Variants in ACTR10 observed in about 807,000 individuals in gnomAD.
ACTR10 encodes the protein actin related protein 10, also known as actin-related protein 10.
A neutral mutation model predicts 56.2 loss-of-function variants in ACTR10; 43 were observed. The ratio of observed to expected loss-of-function variants is 0.77; its 90% CI spans 0.60 to 0.99. The LOEUF is 0.99. Among genes scored for constraint, ACTR10 ranks in the 50% least tolerant of loss-of-function variants. The probability of loss-of-function intolerance (pLI) is 0.00; values close to 1 mark genes in which losing one functional copy is unlikely to be tolerated. For missense variants in ACTR10, 466 were observed against 507.8 expected (o/e 0.92, Z 0.79); for synonymous variants, 170 against 176.3 (o/e 0.96, Z 0.28).
At chr14:58,223,314 T>C (rs1291293622) in intron 8 of ACTR10, among the ~76,000 whole-genome samples, 1 of 152,160 alleles carries the variant, frequency 6.6e-6, no homozygotes, top group African/African-American at 2.4e-5. Context: ...TTTTTTGTAT[T>C]TTTAGTAGAG....
At chr14:58,229,027 A>C (rs566726741) in intron 10 of ACTR10, among the ~76,000 whole-genome samples, 2 of 152,292 alleles carry the variant, frequency 1.3e-5, no homozygotes, top group Admixed American at 6.5e-5. Flanking sequence ...AACATCTTAT[A>C]TAACTATAAT....
At chr14:58,213,556 T>C (rs1453960172) in intron 5 of ACTR10, 75 bp from the exon 6 acceptor site, 7 of 968,440 alleles carry the variant, frequency 7.2e-6, no homozygotes, top group Non-Finnish European at 1.1e-5. Flanking sequence ...AGAACAGTAC[T>C]GCAGAAGGTG....
intron 7 of ACTR10, among the ~76,000 whole-genome samples, chr14:58,215,810 C>A (rs1213693822): frequency 6.6e-6 from 1 of 151,960 alleles, no homozygotes; most frequent in Non-Finnish European, 1.5e-5. Context: ...TCTCTAGGCA[C>A]CTCAAACTTA....
Position 58,223,229 on chromosome 14 carries a change from C to T in ACTR10, c.635-393C>T, listed in dbSNP as rs539533465. Among the ~76,000 whole-genome samples the T allele has an allele frequency of 7.1e-3, 1,080 of 152,112 alleles. 4 individuals are homozygous for T. Among genetic ancestry groups the T allele is most frequent in the Non-Finnish European group, 0.012 (792 of 67,972 alleles). Reference sequence around the variant, plus strand: ...TCGGCTCACTGCAACCTCCACCTCCCGGGTTCAAGCAATTCTCCTGCCTCC... The same window carrying T: ...TCGGCTCACTGCAACCTCCACCTCCTGGGTTCAAGCAATTCTCCTGCCTCC... On this transcript the variant is annotated intron_variant, in intron 8 of 12. Coordinates refer to ENST00000254286, the MANE Select transcript of ACTR10 (RefSeq NM_018477.3).
At chr14:58,217,332 A>G (rs987526733) in intron 7 of ACTR10, among the ~76,000 whole-genome samples, 2 of 152,188 alleles carry the variant, frequency 1.3e-5, no homozygotes, top group African/African-American at 4.8e-5. Flanking sequence ...GTGGAATCAA[A>G]TCATACAAAT....
rs1207018682 is a variant in ACTR10, at chr14:58,215,299, A to G, written c.598+15A>G. The G allele has an allele frequency of 6.3e-7, 1 of 1,578,936 alleles. No homozygotes were observed. Among genetic ancestry groups the G allele is most frequent in the Non-Finnish European group, 8.7e-7 (1 of 1,151,844 alleles). On this transcript the variant is annotated intron_variant, in intron 7 of 12. Coordinates refer to ENST00000254286, the MANE Select transcript of ACTR10 (RefSeq NM_018477.3). ...CTCAGTGATGGGTAAATTCATTTTA[A>G]GTGGTTTAGGAGTGGTTTACACTCT... is the stretch of plus-strand genomic sequence containing the variant.
intron 2 of ACTR10, among the ~76,000 whole-genome samples, chr14:58,203,991 T>G (rs1398436827): frequency 6.6e-6 from 1 of 152,112 alleles, no homozygotes; most frequent in African/African-American, 2.4e-5. Context: ...AACTTTGTAA[T>G]CAGAGGACTA....
At chr14:58,200,340 G>C in intron 1 of ACTR10, 46 bp downstream of exon 1, 3 of 1,444,302 alleles carry the variant, frequency 2.1e-6, no homozygotes, top group South Asian at 2.9e-5. Flanking sequence ...GGGGAGGGCG[G>C]GTGGCAGAGC....
intron 10 of ACTR10, among the ~76,000 whole-genome samples, chr14:58,227,740 C>G (rs1169668540): frequency 6.6e-6 from 1 of 152,120 alleles, no homozygotes; most frequent in Non-Finnish European, 1.5e-5. Flanking sequence ...TAGATTGAGT[C>G]TCATGAAGAG....
chr14:58,200,599 G>T (rs914641694), intron 1 of ACTR10, among the ~76,000 whole-genome samples: 2 of 152,180 alleles, frequency 1.3e-5, no homozygotes, highest in Non-Finnish European at 2.9e-5. Context: ...GATGACAACC[G>T]TGACCTAGAC....
At chr14:58,214,966 C>T (rs558528502) in intron 6 of ACTR10, among the ~76,000 whole-genome samples, 1 of 151,548 alleles carries the variant, frequency 6.6e-6, no homozygotes, top group South Asian at 2.1e-4. Flanking sequence ...CTTAGCCGGG[C>T]ATGGTGGCGG....
intron 10 of ACTR10, among the ~76,000 whole-genome samples, chr14:58,224,085 T>C (rs1889344600): frequency 6.6e-6 from 1 of 151,986 alleles, no homozygotes; most frequent in African/African-American, 2.4e-5. Context: ...ACTGTAACCT[T>C]CATCTCCTAG....
Position 58,211,889 on chromosome 14 carries a change from G to A in ACTR10, c.450+490G>A, listed in dbSNP as rs562355884. On this transcript the variant is annotated intron_variant, in intron 5 of 12. Coordinates refer to ENST00000254286, the MANE Select transcript of ACTR10 (RefSeq NM_018477.3). Reference sequence around the variant, plus strand: ...CGGGAGGCGGAGCTTGCAGTGAGCCGAGATCATGCCACTGCACTCCAGCCT... The same window carrying A: ...CGGGAGGCGGAGCTTGCAGTGAGCCAAGATCATGCCACTGCACTCCAGCCT... Among the ~76,000 whole-genome samples, 4 of 150,964 alleles carry A rather than the reference G, an allele frequency of 2.6e-5. No homozygotes were observed. The South Asian group carries it at 6.3e-4, about 24-fold the overall frequency.
At position 58,202,925 on chromosome 14, in the gene ACTR10, A is replaced by C; in HGVS notation, c.148A>C (p.Lys50Gln). ...TGTGATAAAAAGAGCTGGGATGCCT[A>C]AGGTATTTAAAAAAAAATATTAGCA... ...PSVIKRAGMP[K>Q]PVRVVQYNIN... Residue 50 changes from lysine (K) to glutamine (Q), a missense_variant and splice_region_variant, in exon 2 of 13, where the codon AAG becomes CAG. By Grantham distance (53) the Lys-to-Gln change is moderately conservative. Transcript: ENST00000254286. 1 of 1,543,536 alleles carries C rather than the reference A, an allele frequency of 6.5e-7. No individual in the cohort carries two copies. The highest frequency in any genetic ancestry group is 8.8e-7 in the Non-Finnish European group (1 of 1,133,808).
chr14:58,212,782 G>C (rs185662729), intron 5 of ACTR10, among the ~76,000 whole-genome samples: 11 of 152,190 alleles, frequency 7.2e-5, no homozygotes, highest in African/African-American at 2.6e-4. Context: ...TTCCCTCTCA[G>C]CTCCGTCCTG....
rs140714638 is a variant in ACTR10 at position 58,209,609 on chromosome 14, T to C, written c.342+502T>C. Among the ~76,000 whole-genome samples the C allele has an allele frequency of 8.5e-5, 13 of 152,284 alleles. No individual in the cohort carries two copies. The East Asian group carries it at 9.6e-4, about 11-fold the overall frequency. The stretch of plus-strand genomic sequence containing the variant: ...TATTCAGTGCCTCCCTTAGAGTAAG[T>C]TGGTAATGCCAGGAATGAGACTTAC... On this transcript the variant is annotated intron_variant, in intron 4 of 12. Transcript: ENST00000254286.
chr14:58,234,517 C>G lies in ACTR10; in HGVS notation c.1220C>G (p.Pro407Arg), dbSNP rs779037396. 2 of 1,613,490 alleles carry G rather than the reference C, an allele frequency of 1.2e-6. No individual in the cohort carries two copies. Among genetic ancestry groups the G allele is most frequent in the Non-Finnish European group, 1.7e-6 (2 of 1,179,768 alleles). ...MMFDVGKTQP[P>R]LMKRAFSTEK Reference sequence around the variant, plus strand: ...TTTGATGTCGGGAAAACTCAACCACCTCTGATGAAGAGAGCATTTTCCACT... The same window carrying G: ...TTTGATGTCGGGAAAACTCAACCACGTCTGATGAAGAGAGCATTTTCCACT... Residue 407 changes from proline to arginine, a missense_variant, in exon 13 of 13, where the codon CCT (proline) becomes CGT (arginine). By Grantham distance (103) the Pro-to-Arg change is moderately radical (BLOSUM62 -2). Coordinates refer to ENST00000254286, the MANE Select transcript of ACTR10 (RefSeq NM_018477.3).
At position 58,234,361 on chromosome 14, in the gene ACTR10, G is replaced by T; in HGVS notation, c.1073-9G>T. ...CATCTTAGCTATAAAAAATATTTTT[G>T]TCACACAGGGGCTATTTTTGGAGCA... On this transcript the variant is annotated splice_polypyrimidine_tract_variant and intron_variant, in intron 12 of 12. Transcript: ENST00000254286. 1 of 1,525,296 alleles carries T rather than the reference G, an allele frequency of 6.6e-7. No individual in the cohort carries two copies. Among genetic ancestry groups the T allele is most frequent in the South Asian group, 1.3e-5 (1 of 76,050 alleles). 94.5% of individuals were successfully genotyped at this position (1,525,296 alleles called of 1,614,324 possible).
At chr14:58,231,862 G>C (rs1027474091) in intron 11 of ACTR10, among the ~76,000 whole-genome samples, 3 of 151,926 alleles carry the variant, frequency 2.0e-5, no homozygotes, top group African/African-American at 7.3e-5. Flanking sequence ...TATATATTTG[G>C]CAGTATGTTT....
Sources: allele counts gnomAD v4.1 joint callset (sites outside exome capture counted in the v4.1 genomes callset), GRCh38; gene constraint gnomAD v4.1.1; transcripts MANE v1.5; gene names NCBI Gene and HGNC (gene_info 2026-07-23, HGNC 2026-07-21).